Variants in ARHGAP15 observed in about 807,000 individuals in gnomAD.
ARHGAP15 encodes rho GTPase-activating protein 15.
ARHGAP15 carries 51 observed loss-of-function variants against 63.7 expected under a neutral mutation model. The ratio of observed to expected loss-of-function variants is 0.80; its 90% CI spans 0.64 to 1.01. The LOEUF is 1.01. Among genes scored for constraint, ARHGAP15 ranks in the 50% least tolerant of loss-of-function variants. The probability of loss-of-function intolerance (pLI) is 0.00; values close to 1 mark genes in which losing one functional copy is unlikely to be tolerated. For missense variants in ARHGAP15, 560 were observed against 564.6 expected, an observed-to-expected ratio of 0.99 and a Z score of 0.08; for synonymous variants, 191 against 193.8, an observed-to-expected ratio of 0.99 and a Z score of 0.12.
chr2:143,415,532 G>C (rs1322227787), intron 6 of ARHGAP15, among the ~76,000 whole-genome samples: 1 of 152,136 alleles, frequency 6.6e-6, no homozygotes, highest in East Asian at 1.9e-4. Context: ...TTTACTAAGA[G>C]TCAGGGAATT....
At chr2:143,377,209 C>T (rs1050934588) in intron 6 of ARHGAP15, among the ~76,000 whole-genome samples, 2 of 151,804 alleles carry the variant, frequency 1.3e-5, no homozygotes, top group African/African-American at 2.4e-5. Flanking sequence ...CCAATACTTA[C>T]CAAATGAAGT....
At chr2:143,712,197 A>G (rs995835172) in intron 13 of ARHGAP15, among the ~76,000 whole-genome samples, 5 of 152,186 alleles carry the variant, frequency 3.3e-5, no homozygotes, top group Admixed American at 1.3e-4. Flanking sequence ...GATGCAACAG[A>G]ACATGTGCAC....
intron 11 of ARHGAP15, among the ~76,000 whole-genome samples, chr2:143,621,835 T>G (rs539892583): frequency 2.0e-4 from 30 of 152,312 alleles, no homozygotes; most frequent in Non-Finnish European, 3.7e-4. Flanking sequence ...AATGCTGTTT[T>G]CCTTTGGTTA....
chr2:143,239,616 G>T (rs1156673163), intron 5 of ARHGAP15, among the ~76,000 whole-genome samples: 3 of 152,100 alleles, frequency 2.0e-5, no homozygotes, highest in African/African-American at 7.2e-5. Flanking sequence ...AAGCAAAAAT[G>T]GGCAACATAA....
At chr2:143,358,532 TAAAA>T (rs534366994) in intron 6 of ARHGAP15, among the ~76,000 whole-genome samples, 45 of 145,162 alleles carry the variant, frequency 3.1e-4, no homozygotes, top group African/African-American at 1.1e-3. Flanking sequence ...ATATGTAAAG[TAAAA>T]AAAAAAGAGG....
At chr2:143,391,103 G>C (rs977291278) in intron 6 of ARHGAP15, among the ~76,000 whole-genome samples, 4 of 152,162 alleles carry the variant, frequency 2.6e-5, no homozygotes, top group African/African-American at 9.7e-5. Flanking sequence ...AAAGTCCCTG[G>C]AAACCCCTGT....
At chr2:143,185,294 G>A (rs13028667) in intron 2 of ARHGAP15, among the ~76,000 whole-genome samples, 21,835 of 151,990 alleles carry the variant, frequency 0.14, 1,996 homozygotes, top group Admixed American at 0.33. Flanking sequence ...AATTTACTTC[G>A]TCCCTATTGA....
chr2:143,288,830 A>G (rs1453463828), intron 6 of ARHGAP15, among the ~76,000 whole-genome samples: 4 of 152,056 alleles, frequency 2.6e-5, no homozygotes, highest in African/African-American at 9.7e-5. Context: ...CCCAGTAGCA[A>G]GACACCCAAC....
chr2:143,421,796 ATATATG>A (rs1176341900), intron 6 of ARHGAP15, among the ~76,000 whole-genome samples: 42 of 9,522 alleles, frequency 4.4e-3, no homozygotes, highest in African/African-American at 0.017. Context: ...ATATATATAT[ATATATG>A]TGTGTGTTTC....
chr2:143,696,989 A>G (rs145862457), intron 12 of ARHGAP15, among the ~76,000 whole-genome samples: 2,649 of 152,312 alleles, frequency 0.017, 39 homozygotes, highest in South Asian at 0.045. Flanking sequence ...TTAATTAAAT[A>G]TAAATATGGC....
intron 12 of ARHGAP15, among the ~76,000 whole-genome samples, chr2:143,634,404 C>A (rs1680200710): frequency 6.6e-6 from 1 of 152,116 alleles, no homozygotes; most frequent in African/African-American, 2.4e-5. Flanking sequence ...TCCATTTCCA[C>A]ATTTATAAAA....
intron 11 of ARHGAP15, among the ~76,000 whole-genome samples, chr2:143,583,687 A>C (rs545887373): frequency 1.3e-5 from 2 of 152,192 alleles, no homozygotes; most frequent in Non-Finnish European, 2.9e-5. Context: ...AGTTTATTTA[A>C]ACATGATCAA....
At chr2:143,226,013 T>C (rs1176848218) in intron 4 of ARHGAP15, among the ~76,000 whole-genome samples, 3 of 152,222 alleles carry the variant, frequency 2.0e-5, no homozygotes, top group Admixed American at 2.0e-4. Context: ...TCAGAGAAGA[T>C]AGACAGTGTT....
At chr2:143,530,378 C>A (rs144228554) in intron 10 of ARHGAP15, among the ~76,000 whole-genome samples, 1 of 152,098 alleles carries the variant, frequency 6.6e-6, no homozygotes, top group East Asian at 1.9e-4. Flanking sequence ...AGGTTTCAGA[C>A]AAAACATACT....
intron 2 of ARHGAP15, among the ~76,000 whole-genome samples, chr2:143,167,344 C>T (rs1211366840): frequency 1.3e-5 from 2 of 152,056 alleles, no homozygotes; most frequent in Non-Finnish European, 2.9e-5. Flanking sequence ...CTAACGTGCA[C>T]CCCATCAAAG....
At chr2:143,258,800 T>C (rs557490522) in intron 6 of ARHGAP15, among the ~76,000 whole-genome samples, 6 of 152,260 alleles carry the variant, frequency 3.9e-5, no homozygotes, top group East Asian at 1.9e-4. Flanking sequence ...TTCTTTTTAG[T>C]AGAGAGCTAT....
intron 6 of ARHGAP15, among the ~76,000 whole-genome samples, chr2:143,316,398 C>T (rs886397998): frequency 2.0e-5 from 3 of 151,720 alleles, no homozygotes; most frequent in African/African-American, 7.2e-5. Context: ...TTGAGAAGAA[C>T]TCCCCAGCAC....
At chr2:143,187,548 G>C (rs1189102139) in intron 2 of ARHGAP15, among the ~76,000 whole-genome samples, 3 of 152,160 alleles carry the variant, frequency 2.0e-5, no homozygotes, top group African/African-American at 7.2e-5. Context: ...CACAACTCTA[G>C]GAAATAGGAG....
At chr2:143,393,155 G>A (rs1031567711) in intron 6 of ARHGAP15, among the ~76,000 whole-genome samples, 1 of 152,030 alleles carries the variant, frequency 6.6e-6, no homozygotes, top group Non-Finnish European at 1.5e-5. Flanking sequence ...GTTAAACCTA[G>A]ACAGCTCAAA....
Sources: gnomAD v4.1 joint callset for allele counts (sites outside exome capture counted in the v4.1 genomes callset) on GRCh38, gnomAD v4.1.1 for gene constraint, MANE v1.5 for transcripts, NCBI Gene and HGNC (gene_info 2026-07-23, HGNC 2026-07-21) for gene names.